Variants in GPC5 observed in about 807,000 individuals in gnomAD.
GPC5 encodes the protein glypican-5.
Under a neutral mutation model 53.9 loss-of-function variants are expected in GPC5, and 47 were observed. That is an observed-to-expected ratio of 0.87 (90% CI 0.69 to 1.11). The LOEUF (loss-of-function observed/expected upper bound fraction) is 1.11. Among genes scored for constraint, GPC5 ranks in the 50% most tolerant of loss-of-function variants. GPC5 has a pLI of 0.00. For missense variants in GPC5, 748 were observed against 713.1 expected (o/e 1.05, Z -0.56); for synonymous variants, 286 against 263.3 (o/e 1.09, Z -0.84).
intron 2 of GPC5, among the ~76,000 whole-genome samples, chr13:91,662,742 C>A (rs1392366961): frequency 6.6e-6 from 1 of 152,104 alleles, no homozygotes; most frequent in South Asian, 2.1e-4. Context: ...CTCATTATTA[C>A]CATATTACCA....
chr13:91,565,674 C>T lies in GPC5; in HGVS notation c.325+116752C>T, dbSNP rs151160283. On this transcript the variant is annotated intron_variant, in intron 2 of 7. Transcript: ENST00000377067. ...CACACTAATGCTGAACAAATGTAAC[C>T]GACTATTAGTTATATTATTAATGAG... is the stretch of plus-strand genomic sequence containing the variant. Among the ~76,000 whole-genome samples, 44 of 152,250 alleles carry T rather than the reference C, an allele frequency of 2.9e-4. 1 individual carries two copies. In the East Asian group the frequency reaches 7.7e-3, roughly 27 times the overall value.
intron 7 of GPC5, among the ~76,000 whole-genome samples, chr13:92,385,712 C>T (rs925990475): frequency 3.1e-5 from 4 of 130,984 alleles, no homozygotes; most frequent in African/African-American, 8.8e-5. Flanking sequence ...CATATATACA[C>T]ATATATACAT....
At chr13:92,603,000 T>C (rs1362013854) in intron 7 of GPC5, among the ~76,000 whole-genome samples, 1 of 152,230 alleles carries the variant, frequency 6.6e-6, no homozygotes, top group Non-Finnish European at 1.5e-5. Context: ...GGATAGCATG[T>C]GCAAAGTGTT....
intron 7 of GPC5, among the ~76,000 whole-genome samples, chr13:92,437,285 TA>T (rs1464428000): frequency 6.6e-6 from 1 of 152,172 alleles, no homozygotes; most frequent in Non-Finnish European, 1.5e-5. Context: ...GTCTTACTAA[TA>T]ATACTGCAGG....
chr13:91,685,552 T>A (rs928069693), intron 2 of GPC5, among the ~76,000 whole-genome samples: 2 of 152,292 alleles, frequency 1.3e-5, no homozygotes, highest in East Asian at 3.9e-4. Flanking sequence ...CCCTCTTTTA[T>A]CCCTCTGTAA....
intron 7 of GPC5, among the ~76,000 whole-genome samples, chr13:92,709,218 T>G (rs374101780): frequency 4.0e-5 from 6 of 151,636 alleles, no homozygotes; most frequent in South Asian, 2.1e-4. Context: ...AGCTAATTTT[T>G]TTTTTTTTTT....
At chr13:92,149,590 G>A (rs1300865817) in intron 7 of GPC5, among the ~76,000 whole-genome samples, 1 of 151,992 alleles carries the variant, frequency 6.6e-6, no homozygotes, top group Admixed American at 6.6e-5. Context: ...CTAGGAAAGA[G>A]AATAGTATAT....
chr13:91,444,478 G>A (rs925729413), intron 1 of GPC5, among the ~76,000 whole-genome samples: 3 of 152,114 alleles, frequency 2.0e-5, no homozygotes, highest in African/African-American at 7.2e-5. Flanking sequence ...TTTATATGAA[G>A]TTAGTGTTTG....
chr13:92,690,631 AG>A (rs1482039532), intron 7 of GPC5, among the ~76,000 whole-genome samples: 1 of 145,296 alleles, frequency 6.9e-6, no homozygotes, highest in Non-Finnish European at 1.5e-5. Context: ...CCTTTGGAGG[AG>A]GAGAGGCGCT....
At chr13:92,646,115 A>G (rs901033639) in intron 7 of GPC5, among the ~76,000 whole-genome samples, 1 of 152,030 alleles carries the variant, frequency 6.6e-6, no homozygotes, top group Non-Finnish European at 1.5e-5. Context: ...ATGTTCATAA[A>G]GATTTTCTCA....
intron 2 of GPC5, among the ~76,000 whole-genome samples, chr13:91,598,976 T>C (rs1356468139): frequency 6.6e-6 from 1 of 152,080 alleles, no homozygotes; most frequent in East Asian, 1.9e-4. Flanking sequence ...TTCAGTTATT[T>C]TGAAAAAGAA....
chr13:91,934,952 C>G (rs1453416603), intron 6 of GPC5, among the ~76,000 whole-genome samples: 1 of 151,970 alleles, frequency 6.6e-6, no homozygotes, highest in Non-Finnish European at 1.5e-5. Flanking sequence ...GTGATTTGCT[C>G]TTTATCCAAA....
chr13:92,186,979 G>A (rs1229631197), intron 7 of GPC5, among the ~76,000 whole-genome samples: 1 of 152,110 alleles, frequency 6.6e-6, no homozygotes, highest in Admixed American at 6.6e-5. Flanking sequence ...GGGCGTGTTA[G>A]TGCACACCTG....
chr13:92,125,234 T>C (rs555677035), intron 6 of GPC5, among the ~76,000 whole-genome samples: 1 of 152,256 alleles, frequency 6.6e-6, no homozygotes, highest in East Asian at 1.9e-4. Context: ...TGTCTAGCCT[T>C]AAGATGACTT....
At chr13:92,086,943 G>T (rs2041340756) in intron 6 of GPC5, among the ~76,000 whole-genome samples, 1 of 152,186 alleles carries the variant, frequency 6.6e-6, no homozygotes, top group Non-Finnish European at 1.5e-5. Context: ...ACAAGTGTGA[G>T]CCACCACACC....
intron 7 of GPC5, among the ~76,000 whole-genome samples, chr13:92,858,203 T>C (rs1879067517): frequency 1.3e-5 from 2 of 152,172 alleles, no homozygotes; most frequent in South Asian, 4.1e-4. Flanking sequence ...TGGTTGGAGG[T>C]AATTGAATCA....
intron 7 of GPC5, among the ~76,000 whole-genome samples, chr13:92,790,764 GGCC>G (rs1876431309): frequency 2.0e-5 from 3 of 152,078 alleles, no homozygotes; most frequent in African/African-American, 7.2e-5. Flanking sequence ...ATTTCCTAAT[GGCC>G]TTGTTTAATG....
intron 7 of GPC5, among the ~76,000 whole-genome samples, chr13:92,203,647 T>A (rs1265201956): frequency 6.0e-4 from 71 of 118,808 alleles, no homozygotes; most frequent in African/African-American, 1.5e-3. Context: ...TAAAAAAATA[T>A]ATATATATAA....
intron 7 of GPC5, among the ~76,000 whole-genome samples, chr13:92,526,089 C>T (rs1881271237): frequency 6.6e-6 from 1 of 152,112 alleles, no homozygotes; most frequent in Non-Finnish European, 1.5e-5. Flanking sequence ...TGACTTCATG[C>T]TCCCCATCAT....
Sources: gnomAD v4.1 joint callset for allele counts (sites outside exome capture counted in the v4.1 genomes callset) on GRCh38, gnomAD v4.1.1 for gene constraint, MANE v1.5 for transcripts, NCBI Gene and HGNC (gene_info 2026-07-23, HGNC 2026-07-21) for gene names.